The following PIEZO2 variants were observed in gnomAD, a reference collection of about 807,000 sequenced individuals.
PIEZO2 encodes piezo-type mechanosensitive ion channel component 2.
PIEZO2 carries 172 observed loss-of-function variants against 337.3 expected under a neutral mutation model. The observed-to-expected ratio is 0.51, with a 90% confidence interval of 0.45 to 0.58. The LOEUF is 0.58. Among genes scored for constraint, PIEZO2 ranks in the 20% least tolerant of loss-of-function variants. The probability of loss-of-function intolerance (pLI) is 0.00; values close to 1 mark genes in which losing one functional copy is unlikely to be tolerated. For synonymous variants in PIEZO2, 1,251 were observed against 1,228.5 expected, an observed-to-expected ratio of 1.02 and a Z score of -0.38; for missense variants, 3,028 against 3,391.3, an observed-to-expected ratio of 0.89 and a Z score of 2.66.
intron 3 of PIEZO2, among the ~76,000 whole-genome samples, chr18:10,917,665 A>ATG (rs1447178328): frequency 6.6e-6 from 1 of 152,192 alleles, no homozygotes; most frequent in Non-Finnish European, 1.5e-5. Flanking sequence ...AGCCACCTGA[A>ATG]TGTGGACCTG....
At chr18:10,874,979 C>T (rs1204742780) in intron 4 of PIEZO2, among the ~76,000 whole-genome samples, 1 of 152,074 alleles carries the variant, frequency 6.6e-6, no homozygotes, top group Non-Finnish European at 1.5e-5. Flanking sequence ...ATTCCCAACA[C>T]AAAGAAATGG....
chr18:10,917,313 G>A (rs1036661627), intron 3 of PIEZO2, among the ~76,000 whole-genome samples: 2 of 152,096 alleles, frequency 1.3e-5, no homozygotes, highest in African/African-American at 4.8e-5. Context: ...CCTTAGACAA[G>A]TTACCCTTCA....
intron 1 of PIEZO2, among the ~76,000 whole-genome samples, chr18:11,136,440 TGA>T (rs2040489244): frequency 6.6e-6 from 1 of 152,234 alleles, no homozygotes; most frequent in African/African-American, 2.4e-5. Context: ...CTCTTGTGAC[TGA>T]GGATGGATTG....
At chr18:10,996,746 G>A (rs1242618892) in intron 2 of PIEZO2, among the ~76,000 whole-genome samples, 6 of 152,134 alleles carry the variant, frequency 3.9e-5, no homozygotes, top group African/African-American at 1.4e-4. Context: ...TGTTTATACA[G>A]TTTAGCTACT....
rs1172474742 is a variant in PIEZO2, at chr18:11,111,044, GCAGACAGGGCAGAGGA to G, written c.64+37465_64+37480del. ...AGTGCAGCTGCAAATGGACGTCCGGGCAGACAGGGCAGAGGACAGACAGGGAGCCTCCCCAAGCACT... is the reference window on the plus strand; with the variant it reads ...AGTGCAGCTGCAAATGGACGTCCGGGCAGACAGGGAGCCTCCCCAAGCACT... On this transcript the variant is annotated intron_variant, in intron 1 of 55. Coordinates refer to ENST00000674853, the MANE Select transcript of PIEZO2 (RefSeq NM_001378183.1). This position sits in a 1 kb window ranked among gnomAD's most constrained non-coding sequence, Gnocchi z 6.2. Among the ~76,000 whole-genome samples, 1 of 152,178 alleles carries G rather than the reference GCAGACAGGGCAGAGGA, an allele frequency of 6.6e-6. No homozygotes were observed. The highest frequency in any genetic ancestry group is 2.4e-5 in the African/African-American group (1 of 41,444).
At position 10,856,711 on chromosome 18, in the gene PIEZO2, A is replaced by G. The variant is rs75557926; in HGVS notation, c.703+290T>C. ...CCATTCCAAAGCTCTAAGGAAGAGG[A>G]TTGTTGTTATTCTAATCTAAACCTA... On this transcript the variant is annotated intron_variant, in intron 6 of 55. Transcript: ENST00000674853. This position sits in a 1 kb window ranked among gnomAD's most constrained non-coding sequence, Gnocchi z 4.7. Among the ~76,000 whole-genome samples, 3,142 of 152,248 alleles carry G rather than the reference A, an allele frequency of 0.021. 54 individuals are homozygous for G. The highest frequency in any genetic ancestry group is 0.043 in the East Asian group (221 of 5,184).
chr18:10,705,867 A>C, intron 40 of PIEZO2, 121 bp from the exon 41 acceptor site: 2 of 1,210,492 alleles, frequency 1.7e-6, no homozygotes, highest in Non-Finnish European at 2.2e-6. Flanking sequence ...TCCCCCCTGC[A>C]TTCCATCTGC....
chr18:10,825,431 T>C (rs2040640482), intron 7 of PIEZO2, among the ~76,000 whole-genome samples: 1 of 152,088 alleles, frequency 6.6e-6, no homozygotes. Flanking sequence ...ATTCCAAGGA[T>C]ACATGCTATC....
At chr18:11,087,472 A>G (rs2038948941) in intron 1 of PIEZO2, among the ~76,000 whole-genome samples, 1 of 152,332 alleles carries the variant, frequency 6.6e-6, no homozygotes, top group African/African-American at 2.4e-5. Context: ...ATCTGAGTAT[A>G]GATAATAAAA....
chr18:10,675,173 G>T (rs1274985253), intron 54 of PIEZO2, 36 bp downstream of exon 54: 1 of 1,409,348 alleles, frequency 7.1e-7, no homozygotes, highest in East Asian at 2.3e-5. Context: ...AACTAGGATT[G>T]AAAACAATTC....
rs1403900483 is a variant in PIEZO2 at position 10,726,223 on chromosome 18, C to G, written c.5029+5184G>C. On this transcript the variant is annotated intron_variant, in intron 36 of 55. Coordinates refer to ENST00000674853, the MANE Select transcript of PIEZO2 (RefSeq NM_001378183.1). This position sits in a 1 kb window ranked among gnomAD's most constrained non-coding sequence, Gnocchi z 5.9. ...AGTCCACCGGAGGAGGGGCTTCACG[C>G]TGCCTGGGGCTGGAAGAGCTTGTGT... The G allele has an allele frequency of 1.4e-6, 1 of 715,622 alleles. No individual in the cohort carries two copies. Among genetic ancestry groups the G allele is most frequent in the Admixed American group, 2.0e-5 (1 of 49,516 alleles). 44.3% of individuals were successfully genotyped at this position (715,622 alleles called of 1,614,324 possible).
Position 10,945,816 on chromosome 18 carries a change from G to T in PIEZO2, c.286+33719C>A, listed in dbSNP as rs1161291501. Reference sequence around the variant, plus strand: ...CAAACAGTTAAGTAGATATAGAGAAGACATCAAAAGAAAAAATTGGACTTC... The same window carrying T: ...CAAACAGTTAAGTAGATATAGAGAATACATCAAAAGAAAAAATTGGACTTC... On this transcript the variant is annotated intron_variant, in intron 3 of 55. Transcript: ENST00000674853. This position sits in a 1 kb window ranked among gnomAD's most constrained non-coding sequence, Gnocchi z 4.0. Among the ~76,000 whole-genome samples, 1 of 152,094 alleles carries T rather than the reference G, an allele frequency of 6.6e-6. No homozygotes were observed. The highest frequency in any genetic ancestry group is 1.5e-5 in the Non-Finnish European group (1 of 68,024).
In PIEZO2 at chr18:10,815,809, C is replaced by T. The variant is rs987620457; in HGVS notation, c.918-8535G>A. 2.6e-5 allele frequency among the ~76,000 whole-genome samples: 4 copies of T among 152,174 alleles called. No individual in the cohort carries two copies. Among genetic ancestry groups the T allele is most frequent in the Middle Eastern group, 3.2e-3 (1 of 316 alleles). On this transcript the variant is annotated intron_variant, in intron 7 of 55. Coordinates refer to ENST00000674853, the MANE Select transcript of PIEZO2 (RefSeq NM_001378183.1). The surrounding 1 kb of genome is among the most constrained non-coding windows in gnomAD (Gnocchi z 4.1). ...CACACATAGAATATACTTTCTACCT[C>T]TCCAAGAAAAACAGTTCCAAATTTC... is the stretch of plus-strand genomic sequence containing the variant.
chr18:11,060,298 G>A (rs1377920180), intron 2 of PIEZO2, among the ~76,000 whole-genome samples: 1 of 152,094 alleles, frequency 6.6e-6, no homozygotes, highest in African/African-American at 2.4e-5. Context: ...GCCCACAAGA[G>A]AAAGCAGGAA....
chr18:10,921,884 A>G (rs559469894), intron 3 of PIEZO2, among the ~76,000 whole-genome samples: 23 of 152,110 alleles, frequency 1.5e-4, no homozygotes, highest in Middle Eastern at 3.4e-3. Flanking sequence ...GATGAAATAA[A>G]CCCCAGTCTC....
intron 36 of PIEZO2, among the ~76,000 whole-genome samples, chr18:10,720,234 G>GCGTATACATATATATATATATATATA (rs1555631512): frequency 2.5e-5 from 3 of 119,920 alleles, no homozygotes; most frequent in African/African-American, 1.0e-4. Context: ...GTGTGTGTGT[G>GCGTATACATATATATATATATATATA]TATATATATA....
At chr18:10,695,415 C>T (rs2143672016) in intron 47 of PIEZO2, among the ~76,000 whole-genome samples, 1 of 152,310 alleles carries the variant, frequency 6.6e-6, no homozygotes, top group Non-Finnish European at 1.5e-5. Flanking sequence ...ACAGCAGCCA[C>T]TTTGAAGGAT....
intron 2 of PIEZO2, among the ~76,000 whole-genome samples, chr18:11,029,521 A>C (rs983152944): frequency 1.8e-4 from 28 of 152,284 alleles, no homozygotes; most frequent in African/African-American, 6.5e-4. Flanking sequence ...GGATCTTTCA[A>C]ACAAGCAAAT....
At chr18:10,948,014 G>A (rs935585417) in intron 3 of PIEZO2, among the ~76,000 whole-genome samples, 3 of 151,948 alleles carry the variant, frequency 2.0e-5, no homozygotes, top group Non-Finnish European at 4.4e-5. Context: ...AAAGAAAAAA[G>A]AAAGAAAAGA....
Sources: gnomAD v4.1 joint callset for allele counts (sites outside exome capture counted in the v4.1 genomes callset) on GRCh38, gnomAD v4.1.1 for gene constraint, Gnocchi (gnomAD v3.1) non-coding constraint, MANE v1.5 for transcripts, NCBI Gene and HGNC (gene_info 2026-07-23, HGNC 2026-07-21) for gene names.